Variants in TRAF3 observed in about 807,000 individuals in gnomAD.
TRAF3 encodes TNF receptor-associated factor 3.
Under a neutral mutation model 62.3 loss-of-function variants are expected in TRAF3, and 13 were observed. The observed-to-expected ratio is 0.21, with a 90% CI of 0.14 to 0.33. The LOEUF is 0.33. TRAF3 is among the 10% of genes least tolerant of loss of function. The pLI, the probability that TRAF3 is intolerant of heterozygous loss-of-function variation, is 1.00. For synonymous variants in TRAF3, 269 were observed against 283.4 expected, an observed-to-expected ratio of 0.95 and a Z score of 0.51; for missense variants, 440 against 741.8, an observed-to-expected ratio of 0.59 and a Z score of 4.73.
At chr14:102,848,006 C>T (rs1886821194) in intron 2 of TRAF3, among the ~76,000 whole-genome samples, 1 of 152,166 alleles carries the variant, frequency 6.6e-6, no homozygotes, top group Non-Finnish European at 1.5e-5. Context: ...TTTCCAAAAT[C>T]TCTCGGCCCT....
intron 2 of TRAF3, among the ~76,000 whole-genome samples, chr14:102,861,611 T>TTG (rs1887683116): frequency 6.6e-6 from 1 of 152,244 alleles, no homozygotes; most frequent in South Asian, 2.1e-4. Flanking sequence ...TATCATCCCT[T>TTG]TGGGGCTTGC....
At chr14:102,818,974 C>T (rs999142676) in intron 1 of TRAF3, among the ~76,000 whole-genome samples, 2 of 150,656 alleles carry the variant, frequency 1.3e-5, no homozygotes, top group African/African-American at 2.4e-5. Flanking sequence ...TTAAAAATTA[C>T]AAGAGGCTGA....
chr14:102,831,604 G>GTGCTGCC (rs1320541201), intron 2 of TRAF3, among the ~76,000 whole-genome samples: 8 of 152,292 alleles, frequency 5.3e-5, no homozygotes, highest in African/African-American at 1.9e-4. Context: ...TCTCTGCCCA[G>GTGCTGCC]TGCTGCCTGC....
intron 6 of TRAF3, among the ~76,000 whole-genome samples, chr14:102,877,260 C>T (rs1164469043): frequency 2.1e-5 from 3 of 143,534 alleles, no homozygotes; most frequent in Non-Finnish European, 3.0e-5. Context: ...ATCCATTCCA[C>T]AGGCCTTCCG....
intron 9 of TRAF3, among the ~76,000 whole-genome samples, chr14:102,893,096 A>G (rs1414094501): frequency 3.9e-5 from 6 of 152,000 alleles, no homozygotes; most frequent in Admixed American, 3.9e-4. Context: ...CATTTTAAGG[A>G]TAGGCTTTGT....
chr14:102,808,532 AGAAG>A (rs1843902775), intron 1 of TRAF3, among the ~76,000 whole-genome samples: 1 of 150,862 alleles, frequency 6.6e-6, no homozygotes, highest in South Asian at 2.1e-4. Flanking sequence ...AAAAAAGAAA[AGAAG>A]AACCATACTA....
In TRAF3 at chr14:102,903,953, T is replaced by A; in HGVS notation, c.1135+524T>A. On this transcript the variant is annotated intron_variant, in intron 11 of 11. Coordinates refer to ENST00000392745, the MANE Select transcript of TRAF3 (RefSeq NM_145725.3). The surrounding 1 kb of genome is among the most constrained non-coding windows in gnomAD (Gnocchi z 6.4). ...GAAAGGAACACAGATTACCGGTGTG[T>A]GTGTGGGGCCGGATGAAGCAGGCAG... 2.7e-6 allele frequency: 1 copy of A among 376,244 alleles called. No homozygotes were observed. The highest frequency in any genetic ancestry group is 5.4e-6 in the Non-Finnish European group (1 of 186,602). The allele number at this position is 376,244 out of a possible 1,614,324, so 23.3% of individuals were successfully genotyped here.
chr14:102,848,107 A>G (rs1886829066), intron 2 of TRAF3, among the ~76,000 whole-genome samples: 1 of 152,182 alleles, frequency 6.6e-6, no homozygotes, highest in Non-Finnish European at 1.5e-5. Context: ...TTTTGATACA[A>G]GAACTATTTG....
chr14:102,872,641 A>C (rs1228178558), intron 4 of TRAF3, among the ~76,000 whole-genome samples: 1 of 151,850 alleles, frequency 6.6e-6, no homozygotes, highest in Non-Finnish European at 1.5e-5. Context: ...TGCCAGGTAT[A>C]CTTGGAGTTT....
intron 2 of TRAF3, chr14:102,865,758 C>T (rs1285478420): frequency 1.3e-5 from 2 of 152,208 alleles, no homozygotes; most frequent in Non-Finnish European, 2.9e-5. Context: ...CCTCAGCCTC[C>T]CAAAGTGCTG....
At chr14:102,890,607 C>A (rs919899202) in intron 8 of TRAF3, among the ~76,000 whole-genome samples, 1 of 152,158 alleles carries the variant, frequency 6.6e-6, no homozygotes, top group Non-Finnish European at 1.5e-5. Context: ...TTTTGGAGAT[C>A]ATTAAAATGC....
At chr14:102,803,751 C>T (rs888296142) in intron 1 of TRAF3, among the ~76,000 whole-genome samples, 6 of 151,984 alleles carry the variant, frequency 3.9e-5, no homozygotes, top group Non-Finnish European at 7.4e-5. Context: ...AGCTGGTGGC[C>T]GGCTCTGCTC....
intron 1 of TRAF3, among the ~76,000 whole-genome samples, chr14:102,820,587 TATATATATATATATATATATATATATA>T (rs1899849581): frequency 9.5e-4 from 6 of 6,336 alleles, no homozygotes; most frequent in African/African-American, 2.7e-3. Context: ...TATATATATA[TATATATATATATATATATATATATATA>T]TTTTTTTTTT....
chr14:102,855,794 TAAA>T (rs59248096), intron 2 of TRAF3, among the ~76,000 whole-genome samples: 10 of 132,126 alleles, frequency 7.6e-5, no homozygotes, highest in African/African-American at 8.0e-5. Context: ...AGACTTTATC[TAAA>T]AAAAAAAAAA....
intron 1 of TRAF3, among the ~76,000 whole-genome samples, chr14:102,783,880 C>G (rs57119245): frequency 0.027 from 4,060 of 152,134 alleles, 160 homozygotes; most frequent in African/African-American, 0.091. Flanking sequence ...TAAAATGGGG[C>G]TACTAGCACC....
intron 1 of TRAF3, among the ~76,000 whole-genome samples, chr14:102,806,981 C>G (rs1244240293): frequency 6.6e-6 from 1 of 152,110 alleles, no homozygotes; most frequent in Non-Finnish European, 1.5e-5. Flanking sequence ...TTCTTGGTCC[C>G]TCTTCTCTCA....
intron 10 of TRAF3, among the ~76,000 whole-genome samples, chr14:102,900,429 C>T (rs35999100): frequency 0.014 from 2,092 of 152,146 alleles, 21 homozygotes; most frequent in Non-Finnish European, 0.018. Context: ...TGAACCCAGG[C>T]GGCAGAGGTT....
intron 4 of TRAF3, among the ~76,000 whole-genome samples, chr14:102,874,447 T>A (rs1888526232): frequency 1.3e-5 from 2 of 152,168 alleles, no homozygotes; most frequent in South Asian, 4.1e-4. Flanking sequence ...CTAGTAGAGA[T>A]GGGGTTTCAC....
intron 5 of TRAF3, 141 bp downstream of exon 5, chr14:102,875,869 C>G (rs1888618226): frequency 1.4e-6 from 1 of 737,048 alleles, no homozygotes; most frequent in Admixed American, 2.0e-5. Flanking sequence ...AATAGGAAAG[C>G]AGTCAGAACC....
Sources: allele counts gnomAD v4.1 joint callset (sites outside exome capture counted in the v4.1 genomes callset), GRCh38; gene constraint gnomAD v4.1.1; non-coding constraint Gnocchi (gnomAD v3.1); transcripts MANE v1.5; gene names NCBI Gene and HGNC (gene_info 2026-07-23, HGNC 2026-07-21).